The following DOCK2 variants were observed in gnomAD, a reference collection of about 807,000 sequenced individuals.
The protein encoded by DOCK2 is dedicator of cytokinesis protein 2.
DOCK2 carries 87 observed loss-of-function variants against 248.9 expected under a neutral mutation model. That is an observed-to-expected ratio of 0.35 (90% CI 0.29 to 0.42). DOCK2 has a LOEUF of 0.42. Among genes scored for constraint, DOCK2 ranks in the 10% least tolerant of loss-of-function variants. DOCK2 has a pLI of 1.00. For missense variants in DOCK2, 1,747 were observed against 2,300.2 expected (o/e 0.76, Z 4.92); for synonymous variants, 805 against 821.6 (o/e 0.98, Z 0.35).
At chr5:169,908,399 C>T (rs189843383) in intron 27 of DOCK2, among the ~76,000 whole-genome samples, 22 of 152,268 alleles carry the variant, frequency 1.4e-4, no homozygotes, top group Admixed American at 1.4e-3. Context: ...TAAGAATATG[C>T]TTTCCCCTGC....
chr5:169,895,864 A>G (rs936554738), intron 27 of DOCK2, among the ~76,000 whole-genome samples: 2 of 152,200 alleles, frequency 1.3e-5, no homozygotes, highest in Admixed American at 6.5e-5. Flanking sequence ...CATAATAGAT[A>G]TAGTAAGAAT....
In DOCK2 at chr5:169,676,478, T is replaced by C. The variant is rs755152704; in HGVS notation, c.470+2033T>C. Among the ~76,000 whole-genome samples the C allele has an allele frequency of 4.6e-5, 7 of 152,168 alleles. 1 individual carries two copies. The highest frequency in any genetic ancestry group is 1.0e-4 in the Non-Finnish European group (7 of 68,032). ...GTTCTGTCAGTTTCCTTTGGGGAAG[T>C]GAGGGATGCTCCGTGGCACAGACTG... On this transcript the variant is annotated intron_variant, in intron 6 of 51. Coordinates refer to ENST00000520908, the MANE Select transcript of DOCK2 (RefSeq NM_004946.3).
rs182124922 is a variant in DOCK2 at position 169,973,357 on chromosome 5, G to A, written c.2800-9711G>A. On this transcript the variant is annotated intron_variant, in intron 27 of 51. Coordinates refer to ENST00000520908, the MANE Select transcript of DOCK2 (RefSeq NM_004946.3). The stretch of plus-strand genomic sequence containing the variant: ...CTCTACACATCTCCGGCTGATCACA[G>A]ACTGTTCCTGGTGAATCAGGAATGG... Among the ~76,000 whole-genome samples the A allele has an allele frequency of 2.6e-5, 4 of 152,268 alleles. No individual in the cohort carries two copies. The East Asian group carries it at 7.7e-4, about 29-fold the overall frequency.
chr5:170,042,092 C>T lies in DOCK2; in HGVS notation c.3836C>T (p.Thr1279Met), dbSNP rs145873210. The change falls in exon 38 of 52, where the codon ACG (threonine) becomes ATG (methionine). Residue 1279 changes from threonine (T) to methionine (M), a missense_variant. This residue lies in a region of DOCK2 where 858 missense variants were observed against 1,183.5 expected (regional missense o/e 0.72). Coordinates refer to ENST00000520908, the MANE Select transcript of DOCK2 (RefSeq NM_004946.3). ...CAGACACACCGGCAGCTGAAGGAGA[C>T]GCTCTACGAGACCATCATAGGCTAC... ...HPQTHRQLKE[T>M]LYETIIGYFD... 249 of 1,613,348 alleles carry T rather than the reference C, an allele frequency of 1.5e-4. No homozygotes were observed. The African/African-American group carries it at 1.8e-3, about 12-fold the overall frequency.
At chr5:169,901,879 T>A (rs1190451016) in intron 27 of DOCK2, among the ~76,000 whole-genome samples, 2 of 152,182 alleles carry the variant, frequency 1.3e-5, no homozygotes, top group Non-Finnish European at 2.9e-5. Flanking sequence ...AGCTACCCCT[T>A]CCTCTGCATG....
At chr5:169,893,875 C>CA (rs1773439643) in intron 27 of DOCK2, among the ~76,000 whole-genome samples, 1 of 152,160 alleles carries the variant, frequency 6.6e-6, no homozygotes, top group Admixed American at 6.5e-5. Context: ...AATCGTTTTC[C>CA]ATCTCAGCAT....
In DOCK2 at chr5:169,761,602, A is replaced by G. The variant is rs1764492836; in HGVS notation, c.2531A>G (p.Gln844Arg). Residue 844 changes from glutamine to arginine, a missense_variant, in exon 25 of 52, where the codon CAG becomes CGG. Physicochemically the swap from Gln to Arg is conservative, Grantham distance 43 (BLOSUM62 1). Around this residue, in one of 4 missense-constraint regions of DOCK2, gnomAD observed 858 missense variants for 1,183.5 expected, o/e 0.72. Coordinates refer to ENST00000520908, the MANE Select transcript of DOCK2 (RefSeq NM_004946.3). Reference protein sequence around the residue: ...QKVQSMNEIVQSNLFKKQECR... With the variant: ...QKVQSMNEIVRSNLFKKQECR... ...GTACAGTCTATGAATGAGATAGTCC[A>G]GAGCAACCTCTTTAAAAAGCAAGGT... The G allele has an allele frequency of 1.2e-6, 2 of 1,613,946 alleles. No individual in the cohort carries two copies. The highest frequency in any genetic ancestry group is 1.3e-5 in the African/African-American group (1 of 74,948).
chr5:169,941,623 T>G (rs965287424), intron 27 of DOCK2, among the ~76,000 whole-genome samples: 3 of 152,204 alleles, frequency 2.0e-5, no homozygotes, highest in African/African-American at 7.2e-5. Flanking sequence ...GAATCTGGAC[T>G]TGATTAAACT....
At position 169,887,752 on chromosome 5, in the gene DOCK2, T is replaced by A. The variant is rs192902690; in HGVS notation, c.2799+46900T>A. On this transcript the variant is annotated intron_variant, in intron 27 of 51. Transcript: ENST00000520908. ...TTGAAATAAATGCCTAGAAGAAGAA[T>A]TAGTGAGTCAAAGTAGCTGTGCATT... 3.3e-5 allele frequency among the ~76,000 whole-genome samples: 5 copies of A among 152,308 alleles called. No individual in the cohort carries two copies. In the East Asian group the frequency reaches 9.6e-4, roughly 29 times the overall value.
chr5:169,822,527 G>A (rs10075960), intron 26 of DOCK2, among the ~76,000 whole-genome samples: 46,793 of 152,012 alleles, frequency 0.31, 9,574 homozygotes, highest in African/African-American at 0.59. Flanking sequence ...TACTGGGTAC[G>A]TAATGAAATG....
At chr5:169,884,495 G>T (rs1217627609) in intron 27 of DOCK2, 1 of 152,202 alleles carries the variant, frequency 6.6e-6, no homozygotes, top group Admixed American at 6.5e-5. Flanking sequence ...ATGCTCCCAA[G>T]GGAACATTCC....
At chr5:169,882,657 G>T in intron 27 of DOCK2, 2 of 1,552,024 alleles carry the variant, frequency 1.3e-6, no homozygotes, top group East Asian at 2.4e-5. Flanking sequence ...ATTGCAGTCG[G>T]CCTTGGAGGT....
intron 32 of DOCK2, among the ~76,000 whole-genome samples, chr5:170,013,208 G>A (rs764320748): frequency 6.6e-6 from 1 of 152,072 alleles, no homozygotes; most frequent in African/African-American, 2.4e-5. Context: ...TCCTAGGGTT[G>A]GGGAGAGGCT....
At chr5:169,715,801 G>A (rs1221754064) in intron 19 of DOCK2, among the ~76,000 whole-genome samples, 1 of 152,028 alleles carries the variant, frequency 6.6e-6, no homozygotes, top group East Asian at 1.9e-4. Context: ...GTCCCCCGGG[G>A]TAATCACTGT....
intron 43 of DOCK2, 188 bp downstream of exon 43, chr5:170,056,956 C>CT: frequency 1.7e-6 from 1 of 592,598 alleles, no homozygotes; most frequent in East Asian, 2.9e-5. Context: ...TTTCTTGAGC[C>CT]TTTTTCCCCT....
At chr5:170,015,508 G>C (rs1334798262) in intron 32 of DOCK2, among the ~76,000 whole-genome samples, 1 of 152,160 alleles carries the variant, frequency 6.6e-6, no homozygotes, top group Non-Finnish European at 1.5e-5. Flanking sequence ...CTAAGACAGA[G>C]GAGCAAAGAT....
At chr5:169,727,245 C>T (rs1561641341) in intron 22 of DOCK2, among the ~76,000 whole-genome samples, 1 of 152,238 alleles carries the variant, frequency 6.6e-6, no homozygotes, top group East Asian at 1.9e-4. Context: ...GCTTTTTACT[C>T]CACCTCACTT....
intron 27 of DOCK2, among the ~76,000 whole-genome samples, chr5:169,918,034 G>C (rs1774971139): frequency 6.6e-6 from 1 of 152,196 alleles, no homozygotes; most frequent in South Asian, 2.1e-4. Context: ...ATTTAGCTGG[G>C]ATCTGAGGAT....
chr5:169,841,565 C>A, intron 27 of DOCK2: 2 of 591,202 alleles, frequency 3.4e-6, no homozygotes, highest in Non-Finnish European at 4.3e-6. Context: ...GAATAAAATC[C>A]AAACATTGCC....
Sources: allele counts gnomAD v4.1 joint callset (sites outside exome capture counted in the v4.1 genomes callset), GRCh38; gene constraint gnomAD v4.1.1; regional missense constraint gnomAD v4.1.1; transcripts MANE v1.5; gene names NCBI Gene and HGNC (gene_info 2026-07-23, HGNC 2026-07-21).